FEZ2: variants seen among roughly 807,000 people sequenced by gnomAD.
FEZ2 encodes fasciculation and elongation protein zeta-2.
A neutral mutation model predicts 40.4 loss-of-function variants in FEZ2; 51 were observed. The observed-to-expected ratio is 1.26, with a 90% confidence interval of 1.01 to 1.59. The LOEUF (loss-of-function observed/expected upper bound fraction) is 1.59. Ranked by LOEUF, FEZ2 falls within the 40% of genes most tolerant of loss-of-function variation. The pLI is 0.00. For missense variants in FEZ2, 640 were observed against 438.3 expected (o/e 1.46, Z -4.11); for synonymous variants, 242 against 172.0 (o/e 1.41, Z -3.18).
At chr2:36,563,630 C>T (rs114781102) in intron 5 of FEZ2, among the ~76,000 whole-genome samples, 13 of 152,248 alleles carry the variant, frequency 8.5e-5, no homozygotes, top group Admixed American at 2.6e-4. Context: ...CAATATTCTC[C>T]CTCCACTGCA....
At chr2:36,593,731 G>C (rs1001983474) in intron 1 of FEZ2, among the ~76,000 whole-genome samples, 3 of 152,034 alleles carry the variant, frequency 2.0e-5, no homozygotes, top group Non-Finnish European at 4.4e-5. Context: ...CTGCCATGAA[G>C]GTCTCTGACA....
chr2:36,579,044 G>A (rs1368129860), intron 4 of FEZ2, 179 bp from the exon 5 acceptor site: 8 of 598,384 alleles, frequency 1.3e-5, no homozygotes, highest in Admixed American at 9.7e-5. Flanking sequence ...TACAACTTCT[G>A]GAGATCAGAT....
Position 36,578,865 on chromosome 2 carries a change from C to G in FEZ2, c.635G>C (p.Arg212Thr). ...CTCAGACACTGAGAGCCTTTTCACT[C>G]CTGTGACCAAAAGCAAAATACAGCA... is the stretch of plus-strand genomic sequence containing the variant. ...KRSSTGSYEE[R>T]VKRLSVSELN... Residue 212 changes from arginine (R) to threonine (T), a missense_variant and splice_region_variant, in exon 5 of 8, where the codon AGA becomes ACA. Coordinates refer to ENST00000405912, the MANE Select transcript of FEZ2 (RefSeq NM_005102.3). 1 of 1,602,558 alleles carries G rather than the reference C, an allele frequency of 6.2e-7. No individual in the cohort carries two copies. Among genetic ancestry groups the G allele is most frequent in the Non-Finnish European group, 8.5e-7 (1 of 1,175,894 alleles).
At chr2:36,573,458 TCC>T (rs1668475059) in intron 5 of FEZ2, among the ~76,000 whole-genome samples, 1 of 152,096 alleles carries the variant, frequency 6.6e-6, no homozygotes, top group African/African-American at 2.4e-5. Flanking sequence ...GAAGCCTGGC[TCC>T]CCCAATAAAA....
intron 5 of FEZ2, chr2:36,560,658 TA>T: frequency 1.8e-6 from 1 of 547,484 alleles, no homozygotes; most frequent in South Asian, 3.5e-5. Flanking sequence ...TGAACTTTTA[TA>T]ATAAACTTTT....
chr2:36,577,840 C>T (rs1378417457), intron 5 of FEZ2, among the ~76,000 whole-genome samples: 1 of 152,114 alleles, frequency 6.6e-6, no homozygotes, highest in African/African-American at 2.4e-5. Context: ...ATTTGTAAGA[C>T]CATGTTATTG....
chr2:36,563,206 T>G (rs1030366721), intron 5 of FEZ2, among the ~76,000 whole-genome samples: 2 of 152,256 alleles, frequency 1.3e-5, no homozygotes, highest in Admixed American at 1.3e-4. Context: ...GAAAGATGGC[T>G]TTTGTGCCAC....
At chr2:36,585,675 T>C (rs182393867) in intron 2 of FEZ2, among the ~76,000 whole-genome samples, 356 of 152,120 alleles carry the variant, frequency 2.3e-3, no homozygotes, top group Non-Finnish European at 3.8e-3. Flanking sequence ...AAAGAGAAAA[T>C]GTAAACATAA....
chr2:36,563,415 C>T (rs1351600698), intron 5 of FEZ2, among the ~76,000 whole-genome samples: 2 of 151,834 alleles, frequency 1.3e-5, no homozygotes, highest in African/African-American at 4.8e-5. Flanking sequence ...AGCTCTTTCA[C>T]TGGCAATGAA....
chr2:36,582,797 G>A (rs140033551), intron 3 of FEZ2, among the ~76,000 whole-genome samples: 2 of 152,160 alleles, frequency 1.3e-5, no homozygotes, highest in African/African-American at 4.8e-5. Flanking sequence ...TCAGGAAGAA[G>A]TTCTGGCATC....
chr2:36,566,393 G>T (rs1027611232), intron 5 of FEZ2, among the ~76,000 whole-genome samples: 1 of 150,354 alleles, frequency 6.7e-6, no homozygotes, highest in East Asian at 2.0e-4. Context: ...GAGTGCACAA[G>T]ATCTAAAGAG....
chr2:36,585,817 G>C (rs848615), intron 2 of FEZ2, among the ~76,000 whole-genome samples: 4 of 152,276 alleles, frequency 2.6e-5, no homozygotes, highest in Non-Finnish European at 5.9e-5. Context: ...TATAGTGTCA[G>C]GGATTGGCAA....
At chr2:36,594,845 G>A (rs748924678) in intron 1 of FEZ2, among the ~76,000 whole-genome samples, 1 of 152,220 alleles carries the variant, frequency 6.6e-6, no homozygotes, top group Non-Finnish European at 1.5e-5. Flanking sequence ...ATTTCACTTA[G>A]AAGTGCCTGT....
At chr2:36,594,215 C>G (rs1466060505) in intron 1 of FEZ2, among the ~76,000 whole-genome samples, 2 of 152,084 alleles carry the variant, frequency 1.3e-5, no homozygotes, top group Non-Finnish European at 2.9e-5. Flanking sequence ...AACTTTCCCA[C>G]ATTTTCCTGT....
intron 4 of FEZ2, among the ~76,000 whole-genome samples, chr2:36,579,772 C>T (rs568958881): frequency 1.3e-5 from 2 of 152,288 alleles, no homozygotes; most frequent in Admixed American, 6.5e-5. Context: ...ACTGGGAAGA[C>T]AAAAGGGAAC....
At chr2:36,588,666 T>G (rs1293282179) in intron 2 of FEZ2, among the ~76,000 whole-genome samples, 1 of 152,204 alleles carries the variant, frequency 6.6e-6, no homozygotes, top group Non-Finnish European at 1.5e-5. Flanking sequence ...AAATGGTTTA[T>G]AGTTATATTG....
In FEZ2 at chr2:36,552,934, G is replaced by A. The variant is rs1002801412; in HGVS notation, c.*229C>T. The A allele has an allele frequency of 1.9e-6, 1 of 533,630 alleles. No individual in the cohort carries two copies. The highest frequency in any genetic ancestry group is 1.9e-5 in the African/African-American group (1 of 52,036). 33.1% of individuals were successfully genotyped at this position (533,630 alleles called of 1,614,324 possible). The stretch of plus-strand genomic sequence containing the variant: ...TCTCTCTTAATCTACTAAGAGAACA[G>A]TTTATTAGTAGATTTAACAAAAACC... On this transcript the variant is annotated 3_prime_UTR_variant, in exon 8 of 8. Transcript: ENST00000405912.
chr2:36,567,672 G>C (rs942577961), intron 5 of FEZ2, among the ~76,000 whole-genome samples: 17 of 151,656 alleles, frequency 1.1e-4, no homozygotes, highest in African/African-American at 3.6e-4. Flanking sequence ...TCAGGCAGGA[G>C]AATCACTTGA....
chr2:36,593,510 G>A (rs371714293), intron 1 of FEZ2, among the ~76,000 whole-genome samples: 17 of 152,198 alleles, frequency 1.1e-4, no homozygotes, highest in African/African-American at 4.1e-4. Flanking sequence ...GTGCACCTGT[G>A]GGCTCAACAC....
Sources: gnomAD v4.1 joint callset for allele counts (sites outside exome capture counted in the v4.1 genomes callset) on GRCh38, gnomAD v4.1.1 for gene constraint, MANE v1.5 for transcripts, NCBI Gene and HGNC (gene_info 2026-07-23, HGNC 2026-07-21) for gene names.